Variants in CFTR observed in about 807,000 individuals in gnomAD.
The protein encoded by CFTR is CF transmembrane conductance regulator.
CFTR carries 181 observed loss-of-function variants against 171.6 expected under a neutral mutation model. The observed-to-expected ratio is 1.05, with a 90% confidence interval of 0.93 to 1.19. The LOEUF (loss-of-function observed/expected upper bound fraction) is 1.19, where lower values mean the gene tolerates loss of function less well. CFTR is among the 50% of genes most tolerant of loss of function. The probability of loss-of-function intolerance (pLI) is 0.00; values close to 1 mark genes in which losing one functional copy is unlikely to be tolerated. For missense variants in CFTR, 1,968 were observed against 1,734.7 expected (o/e 1.13, Z -2.39); for synonymous variants, 583 against 608.0 (o/e 0.96, Z 0.60).
chr7:117,550,074 A>G (rs1799242565), intron 10 of CFTR, among the ~76,000 whole-genome samples: 1 of 152,178 alleles, frequency 6.6e-6, no homozygotes, highest in Non-Finnish European at 1.5e-5. Context: ...AGTGGCTCAC[A>G]CTTGTAATCC....
chr7:117,616,006 G>A (rs969522172), intron 21 of CFTR, among the ~76,000 whole-genome samples: 9 of 152,016 alleles, frequency 5.9e-5, no homozygotes, highest in Non-Finnish European at 1.2e-4. Context: ...CTCTGAGACA[G>A]TGTTCATGTT....
intron 4 of CFTR, 121 bp from the exon 5 acceptor site, chr7:117,534,155 T>C: frequency 1.6e-6 from 1 of 633,854 alleles, no homozygotes; most frequent in Non-Finnish European, 2.8e-6. Flanking sequence ...TAGAATATAA[T>C]TTTCATTACC....
In CFTR at chr7:117,664,781, T is replaced by C. The variant is rs1793342837; in HGVS notation, c.4057T>C (p.Leu1353=). The change falls in exon 25 of 27, where the codon TTG becomes CTG. Residue 1353 remains leucine (L), a synonymous_variant. Transcript: ENST00000003084. ...GCVLSHGHKQ[L]MCLARSVLSK... Reference sequence around the variant, plus strand: ...TGTCCTAAGCCATGGCCACAAGCAGTTGATGTGCTTGGCTAGATCTGTTCT... The same window carrying C: ...TGTCCTAAGCCATGGCCACAAGCAGCTGATGTGCTTGGCTAGATCTGTTCT... 6.2e-7 allele frequency: 1 copy of C among 1,613,998 alleles called. No individual in the cohort carries two copies. The highest frequency in any genetic ancestry group is 8.5e-7 in the Non-Finnish European group (1 of 1,179,870).
chr7:117,630,056 G>A (rs1792718097), intron 22 of CFTR, among the ~76,000 whole-genome samples: 1 of 152,156 alleles, frequency 6.6e-6, no homozygotes, highest in Admixed American at 6.5e-5. Context: ...TAATCTAAAA[G>A]GGAAAACGTA....
chr7:117,612,647 A>C (rs933582283), intron 20 of CFTR, among the ~76,000 whole-genome samples: 3 of 152,106 alleles, frequency 2.0e-5, no homozygotes, highest in African/African-American at 7.2e-5. Context: ...GATTGTAGGA[A>C]CAGAATTCTA....
At chr7:117,515,592 T>G (rs1798584875) in intron 3 of CFTR, among the ~76,000 whole-genome samples, 1 of 152,214 alleles carries the variant, frequency 6.6e-6, no homozygotes, top group Non-Finnish European at 1.5e-5. Context: ...GCGTGATGCC[T>G]CCAGCTTTGT....
At position 117,614,244 on chromosome 7, in the gene CFTR, C is replaced by G. The variant is rs7778541; in HGVS notation, c.3368-369C>G. Among the ~76,000 whole-genome samples the G allele has an allele frequency of 8.3e-3, 1,265 of 152,122 alleles. 20 individuals carry two copies. Among genetic ancestry groups the G allele is most frequent in the African/African-American group, 0.029 (1,192 of 41,502 alleles). On this transcript the variant is annotated intron_variant, in intron 20 of 26. Transcript: ENST00000003084. ...AGCAGCTCATCTGGATACAGGATCT[C>G]TTTTCCCCATTGCCCATTCTAATAT...
At chr7:117,508,706 C>T (rs780326318) in intron 2 of CFTR, among the ~76,000 whole-genome samples, 1 of 152,204 alleles carries the variant, frequency 6.6e-6, no homozygotes, top group Non-Finnish European at 1.5e-5. Flanking sequence ...TTGTTCTAAG[C>T]ACAGCAATGA....
chr7:117,519,257 G>C (rs1235584581), intron 3 of CFTR, among the ~76,000 whole-genome samples: 1 of 152,026 alleles, frequency 6.6e-6, no homozygotes, highest in Non-Finnish European at 1.5e-5. Flanking sequence ...TAATTCTTCA[G>C]TGGATTAAGC....
At chr7:117,545,250 C>G (rs1799120481) in intron 9 of CFTR, among the ~76,000 whole-genome samples, 2 of 152,160 alleles carry the variant, frequency 1.3e-5, no homozygotes, top group Non-Finnish European at 2.9e-5. Context: ...GCAAGACCCT[C>G]CCCCATGATT....
At chr7:117,583,862 C>T (rs1160809560) in intron 11 of CFTR, among the ~76,000 whole-genome samples, 1 of 152,050 alleles carries the variant, frequency 6.6e-6, no homozygotes, top group East Asian at 1.9e-4. Context: ...TTAATTGTGG[C>T]TATTCTTGCA....
In CFTR at chr7:117,539,127, A is replaced by G. The variant is rs190160199; in HGVS notation, c.870-973A>G. Among the ~76,000 whole-genome samples, 4 of 152,220 alleles carry G rather than the reference A, an allele frequency of 2.6e-5. No individual in the cohort carries two copies. In the East Asian group the frequency reaches 7.7e-4, roughly 29 times the overall value. On this transcript the variant is annotated intron_variant, in intron 7 of 26. Coordinates refer to ENST00000003084, the MANE Select transcript of CFTR (RefSeq NM_000492.4). ...ATCCTGGTTGACCTTTCCTTGGGCA[A>G]GAGCTGGGTGGGGAGGATCACAAGT...
intron 23 of CFTR, 104 bp downstream of exon 23, chr7:117,642,697 T>G: frequency 1.7e-6 from 2 of 1,205,156 alleles, no homozygotes; most frequent in South Asian, 2.6e-5. Context: ...AAAATATATT[T>G]GTTATGCATT....
chr7:117,545,950 C>G (rs1799139028), intron 9 of CFTR, among the ~76,000 whole-genome samples: 1 of 151,888 alleles, frequency 6.6e-6, no homozygotes, highest in Admixed American at 6.6e-5. Context: ...TACTGAGTAG[C>G]TAGGGCTACA....
chr7:117,644,631 TCA>T (rs1367847158), intron 23 of CFTR, among the ~76,000 whole-genome samples: 1 of 152,218 alleles, frequency 6.6e-6, no homozygotes, highest in East Asian at 1.9e-4. Flanking sequence ...CCTCTTTTTC[TCA>T]TAGTGATCCT....
Position 117,668,665 on chromosome 7 carries a change from A to G in CFTR, c.*1557A>G, listed in dbSNP as rs1324701265. 6.6e-6 allele frequency: 1 copy of G among 152,610 alleles called. No homozygotes were observed. 9.5% of individuals were successfully genotyped at this position (152,610 alleles called of 1,614,324 possible). On this transcript the variant is annotated 3_prime_UTR_variant, in exon 27 of 27. Coordinates refer to ENST00000003084, the MANE Select transcript of CFTR (RefSeq NM_000492.4). ...AATAAAATCCATACATTTGTGTGAA[A>G]CTTTGTTGTTTTCAGATGCGTTCAC...
chr7:117,611,924 A>G, intron 20 of CFTR, 116 bp downstream of exon 20: 1 of 667,578 alleles, frequency 1.5e-6, no homozygotes, highest in Non-Finnish European at 2.5e-6. Context: ...GTAATTAACA[A>G]ATTTGTTGGT....
At chr7:117,550,756 A>C (rs1799256036) in intron 10 of CFTR, among the ~76,000 whole-genome samples, 1 of 152,214 alleles carries the variant, frequency 6.6e-6, no homozygotes, top group Admixed American at 6.5e-5. Flanking sequence ...ATTAAAATTG[A>C]TGAGCAGATA....
At chr7:117,546,121 G>A (rs907226561) in intron 9 of CFTR, among the ~76,000 whole-genome samples, 1 of 152,096 alleles carries the variant, frequency 6.6e-6, no homozygotes, top group African/African-American at 2.4e-5. Context: ...AGCCTCCTGA[G>A]TAGCTGGGAT....
Sources: allele counts gnomAD v4.1 joint callset (sites outside exome capture counted in the v4.1 genomes callset), GRCh38; gene constraint gnomAD v4.1.1; transcripts MANE v1.5; gene names NCBI Gene and HGNC (gene_info 2026-07-23, HGNC 2026-07-21).